The following EIF2D variants were observed in gnomAD, a reference collection of about 807,000 sequenced individuals.
The protein encoded by EIF2D is eukaryotic translation initiation factor 2D.
Under a neutral mutation model 77.4 loss-of-function variants are expected in EIF2D, and 56 were observed. That is an observed-to-expected ratio of 0.72 (90% CI 0.58 to 0.90). The LOEUF (loss-of-function observed/expected upper bound fraction) is 0.90. Ranked by LOEUF, EIF2D falls within the 40% of genes least tolerant of loss-of-function variation. The pLI is 0.00. For missense variants in EIF2D, 574 were observed against 706.5 expected, an observed-to-expected ratio of 0.81 and a Z score of 2.13; for synonymous variants, 230 against 271.0, an observed-to-expected ratio of 0.85 and a Z score of 1.49.
intron 4 of EIF2D, among the ~76,000 whole-genome samples, chr1:206,607,217 A>G (rs1670242632): frequency 6.6e-6 from 1 of 152,224 alleles, no homozygotes; most frequent in Non-Finnish European, 1.5e-5. Flanking sequence ...GAAAAATTAA[A>G]AAAAGAAAAC....
At position 206,584,951 on chromosome 1, in the gene EIF2D, TA is replaced by T. The variant is rs1669050827; in HGVS notation, c.139-3790del. On this transcript the variant is annotated intron_variant and NMD_transcript_variant, in intron 2 of 5. Coordinates refer to the EIF2D transcript ENST00000472709. The surrounding 1 kb of genome is among the most constrained non-coding windows in gnomAD (Gnocchi z 4.9). ...TGGGAGGAATCTGCCCCACCATTCC[TA>T]ATCTTTCAGGAGATGATGTGAATGG... 2 of 606,556 alleles carry T rather than the reference TA, an allele frequency of 3.3e-6. No individual in the cohort carries two copies. Among genetic ancestry groups the T allele is most frequent in the East Asian group, 2.7e-5 (1 of 36,492 alleles). 37.6% of individuals were successfully genotyped at this position (606,556 alleles called of 1,614,324 possible). A position where few individuals can be genotyped will look rare whatever the true frequency, so the allele number is the denominator to read the frequency against.
intron 11 of EIF2D, among the ~76,000 whole-genome samples, chr1:206,597,549 G>C (rs1669709124): frequency 6.6e-6 from 1 of 152,246 alleles, no homozygotes; most frequent in African/African-American, 2.4e-5. Context: ...AGGTGCAGTG[G>C]CTCACGCCTG....
At chr1:206,582,860 G>T (rs1376713198) in intron 2 of EIF2D, among the ~76,000 whole-genome samples, 1 of 152,174 alleles carries the variant, frequency 6.6e-6, no homozygotes, top group Non-Finnish European at 1.5e-5. Context: ...ACCATGGCTT[G>T]TATTTCTTTG....
chr1:206,584,515 C>A lies in EIF2D; in HGVS notation c.139-3353G>T, dbSNP rs781985802. 5.0e-6 allele frequency: 8 copies of A among 1,614,028 alleles called. No homozygotes were observed. The Admixed American group carries it at 1.0e-4, about 20-fold the overall frequency. On this transcript the variant is annotated intron_variant and NMD_transcript_variant, in intron 2 of 5. Coordinates refer to the EIF2D transcript ENST00000472709. This position sits in a 1 kb window ranked among gnomAD's most constrained non-coding sequence, Gnocchi z 4.9. The stretch of plus-strand genomic sequence containing the variant: ...TCAAGGAGGTGAACCTGGCGGCTAC[C>A]ACGGACAAGCGGACATCCTTCTACC...
chr1:206,609,555 C>T, intron 2 of EIF2D, 96 bp from the exon 3 acceptor site: 1 of 997,908 alleles, frequency 1.0e-6, no homozygotes, highest in Non-Finnish European at 1.5e-6. Context: ...AATTAGAATA[C>T]AGGAAAGAAA....
chr1:206,583,228 GAAC>G (rs781819178), intron 2 of EIF2D: 8 of 1,349,238 alleles, frequency 5.9e-6, no homozygotes, highest in Non-Finnish European at 7.4e-6. Flanking sequence ...CTCACCCTGA[GAAC>G]TACTACACAT....
rs782807737 is a variant in EIF2D at position 206,593,600 on chromosome 1, C to A, written c.1684+19G>T. On this transcript the variant is annotated intron_variant, in intron 14 of 14. Coordinates refer to ENST00000271764, the MANE Select transcript of EIF2D (RefSeq NM_006893.3). The stretch of plus-strand genomic sequence containing the variant: ...GCTGAGCTAGACCAATGCCTCCACT[C>A]TTCAGAGGGGATGCTCACCAAGCAA... 6.3e-7 allele frequency: 1 copy of A among 1,590,634 alleles called. No individual in the cohort carries two copies. The highest frequency in any genetic ancestry group is 1.3e-5 in the African/African-American group (1 of 74,368).
At chr1:206,594,347 A>T (rs1669531641) in intron 13 of EIF2D, 1 of 152,236 alleles carries the variant, frequency 6.6e-6, no homozygotes, top group Admixed American at 6.5e-5. Flanking sequence ...TAATATCAAC[A>T]ATCTAGTCAG....
At chr1:206,604,089 CT>C (rs1670063369) in intron 5 of EIF2D, among the ~76,000 whole-genome samples, 2 of 152,112 alleles carry the variant, frequency 1.3e-5, no homozygotes, top group South Asian at 4.1e-4. Context: ...CCTCAAATAT[CT>C]AAAAACAGGC....
intron 2 of EIF2D, chr1:206,585,311 T>C (rs782139653): frequency 4.9e-5 from 78 of 1,602,522 alleles, no homozygotes; most frequent in Non-Finnish European, 5.8e-5. Flanking sequence ...TCTGGACCCA[T>C]TGTGCAAACC....
intron 12 of EIF2D, among the ~76,000 whole-genome samples, chr1:206,596,072 C>CA (rs1209811672): frequency 6.6e-6 from 1 of 152,176 alleles, no homozygotes; most frequent in African/African-American, 2.4e-5. Context: ...GGTAGACACC[C>CA]ACTGATTCAA....
intron 11 of EIF2D, among the ~76,000 whole-genome samples, chr1:206,597,565 C>A (rs1222137394): frequency 6.6e-6 from 1 of 152,164 alleles, no homozygotes; most frequent in Non-Finnish European, 1.5e-5. Flanking sequence ...GCCTGTAATC[C>A]CAGCACTTTG....
downstream of EIF2D, among the ~76,000 whole-genome samples, chr1:206,569,768 G>A (rs556885743): frequency 6.6e-6 from 1 of 152,300 alleles, no homozygotes; most frequent in South Asian, 2.1e-4. Context: ...GAGGTTTTGA[G>A]CAGGCATGCC....
At chr1:206,601,653 G>C (rs782093329) in intron 7 of EIF2D, 1 of 152,170 alleles carries the variant, frequency 6.6e-6, no homozygotes, top group Non-Finnish European at 1.5e-5. Context: ...AGTATTTACT[G>C]AATGCTTATT....
Position 206,612,357 on chromosome 1 carries a change from C to G in EIF2D, c.-15G>C. On this transcript the variant is annotated 5_prime_UTR_variant, in exon 1 of 15. Coordinates refer to ENST00000271764, the MANE Select transcript of EIF2D (RefSeq NM_006893.3). ...TTGGCAAACATGTCTGCTGGGGTGG[C>G]CTGGGGAAGAGAGCACAGAAGCCAG... The G allele has an allele frequency of 1.2e-6, 2 of 1,614,246 alleles. No individual in the cohort carries two copies. Among genetic ancestry groups the G allele is most frequent in the Non-Finnish European group, 1.7e-6 (2 of 1,180,038 alleles).
At chr1:206,587,156 T>G, downstream of EIF2D, 1 of 701,166 alleles carries the variant, frequency 1.4e-6, no homozygotes, top group Non-Finnish European at 2.4e-6. Flanking sequence ...GGTTCAGCTG[T>G]GCCCGCCCCC....
At chr1:206,605,318 A>C in intron 5 of EIF2D, 82 bp downstream of exon 5, 2 of 1,024,772 alleles carry the variant, frequency 2.0e-6, no homozygotes, top group Middle Eastern at 2.8e-4. Context: ...CTAGGACCAA[A>C]ACTCTCACTC....
downstream of EIF2D, chr1:206,586,684 T>G: frequency 1.4e-6 from 1 of 693,606 alleles, no homozygotes; most frequent in South Asian, 1.8e-5. Flanking sequence ...GCTTCGCTGA[T>G]TCAGTCTGTT....
chr1:206,609,014 T>C (rs1343497522), intron 3 of EIF2D, among the ~76,000 whole-genome samples: 2 of 151,548 alleles, frequency 1.3e-5, no homozygotes, highest in Admixed American at 6.6e-5. Flanking sequence ...ATCATGCCAC[T>C]GCACTCCAGC....
Sources: allele counts gnomAD v4.1 joint callset (sites outside exome capture counted in the v4.1 genomes callset), GRCh38; gene constraint gnomAD v4.1.1; non-coding constraint Gnocchi (gnomAD v3.1); transcripts MANE v1.5; gene names NCBI Gene and HGNC (gene_info 2026-07-23, HGNC 2026-07-21).